Variants in XKR6 observed in about 807,000 individuals in gnomAD.
XKR6 encodes the protein XK related 6, also known as XK-related protein 6.
Under a neutral mutation model 56.7 loss-of-function variants are expected in XKR6, and 22 were observed. That is an observed-to-expected ratio of 0.39 (90% CI 0.28 to 0.55). The LOEUF (loss-of-function observed/expected upper bound fraction) is 0.55, where lower values mean the gene tolerates loss of function less well. XKR6 is among the 20% of genes least tolerant of loss of function. The pLI, the probability that XKR6 is intolerant of heterozygous loss-of-function variation, is 0.66. For missense variants in XKR6, 852 were observed against 889.0 expected (o/e 0.96, Z 0.53); for synonymous variants, 524 against 387.8 (o/e 1.35, Z -4.13).
intron 2 of XKR6, among the ~76,000 whole-genome samples, chr8:10,918,363 T>C (rs1485305972): frequency 6.6e-6 from 1 of 152,218 alleles, no homozygotes; most frequent in African/African-American, 2.4e-5. Flanking sequence ...GGCAGAGACT[T>C]TGGGGACAAG....
chr8:11,176,153 T>C (rs1585019932), intron 1 of XKR6, among the ~76,000 whole-genome samples: 1 of 152,156 alleles, frequency 6.6e-6, no homozygotes, highest in Non-Finnish European at 1.5e-5. Context: ...TTAAAACACC[T>C]TTACAAATTA....
intron 1 of XKR6, among the ~76,000 whole-genome samples, chr8:11,177,950 A>G (rs1436888061): frequency 6.6e-6 from 1 of 152,198 alleles, no homozygotes; most frequent in African/African-American, 2.4e-5. Context: ...CCTTTCTGAC[A>G]TGGAAAGCCT....
At chr8:11,133,821 G>A (rs1366264299) in intron 1 of XKR6, among the ~76,000 whole-genome samples, 2 of 152,110 alleles carry the variant, frequency 1.3e-5, no homozygotes, top group Admixed American at 6.6e-5. Flanking sequence ...TTAACTCTAT[G>A]CTTTCCATTA....
intron 1 of XKR6, among the ~76,000 whole-genome samples, chr8:10,966,139 G>T (rs991862317): frequency 6.6e-6 from 1 of 152,158 alleles, no homozygotes; most frequent in Non-Finnish European, 1.5e-5. Context: ...TCAAACCTCG[G>T]GTACATCCGG....
chr8:11,168,244 C>T (rs1802186900), intron 1 of XKR6, among the ~76,000 whole-genome samples: 1 of 152,162 alleles, frequency 6.6e-6, no homozygotes, highest in Admixed American at 6.5e-5. Context: ...GTACTTACTA[C>T]ACAAAGACTT....
intron 1 of XKR6, among the ~76,000 whole-genome samples, chr8:10,988,317 A>T (rs914702274): frequency 3.9e-5 from 6 of 152,184 alleles, no homozygotes; most frequent in East Asian, 3.9e-4. Context: ...TGTTCCATTA[A>T]TTTTCTTCAA....
chr8:11,190,987 C>G (rs193028748), intron 1 of XKR6, among the ~76,000 whole-genome samples: 9 of 152,296 alleles, frequency 5.9e-5, no homozygotes, highest in African/African-American at 1.7e-4. Context: ...GTCATACATT[C>G]TAACACACTA....
chr8:11,139,223 G>A (rs1479738476), intron 1 of XKR6, among the ~76,000 whole-genome samples: 2 of 152,154 alleles, frequency 1.3e-5, no homozygotes, highest in Admixed American at 1.3e-4. Context: ...TCACTTTTAT[G>A]TACAAAACTA....
rs558522143 is a variant in XKR6 at position 11,001,948 on chromosome 8, C to T, written c.765-77118G>A. 7.2e-4 allele frequency among the ~76,000 whole-genome samples: 110 copies of T among 152,222 alleles called. 2 individuals carry two copies. In the South Asian group the frequency reaches 0.023, roughly 32 times the overall value. Reference sequence around the variant, plus strand: ...ACCATACCCGTTGCTCCCCACAGCACTTCCTTCCAGCAGACCTCAGTTTTC... The same window carrying T: ...ACCATACCCGTTGCTCCCCACAGCATTTCCTTCCAGCAGACCTCAGTTTTC... On this transcript the variant is annotated intron_variant, in intron 1 of 2. Coordinates refer to ENST00000416569, the MANE Select transcript of XKR6 (RefSeq NM_173683.4).
intron 1 of XKR6, among the ~76,000 whole-genome samples, chr8:11,083,132 A>G (rs1020533538): frequency 6.6e-6 from 1 of 152,084 alleles, no homozygotes; most frequent in Non-Finnish European, 1.5e-5. Flanking sequence ...TCCCTCTCCG[A>G]GTCTCGGCAG....
intron 1 of XKR6, among the ~76,000 whole-genome samples, chr8:11,117,231 G>C (rs1016023148): frequency 1.3e-5 from 2 of 152,184 alleles, no homozygotes; most frequent in Admixed American, 1.3e-4. Context: ...ACTGCAACCT[G>C]AACACTGCAG....
chr8:11,010,508 C>T (rs1442822092), intron 1 of XKR6, among the ~76,000 whole-genome samples: 2 of 152,148 alleles, frequency 1.3e-5, no homozygotes, highest in Non-Finnish European at 2.9e-5. Context: ...CTGAGTAATG[C>T]AACACAGGCA....
At chr8:11,088,141 A>G (rs1372120751) in intron 1 of XKR6, among the ~76,000 whole-genome samples, 2 of 152,244 alleles carry the variant, frequency 1.3e-5, no homozygotes, top group African/African-American at 4.8e-5. Context: ...GGTCAGAAAG[A>G]TATTTCAGGC....
At chr8:11,143,172 G>A (rs1481368221) in intron 1 of XKR6, among the ~76,000 whole-genome samples, 1 of 151,960 alleles carries the variant, frequency 6.6e-6, no homozygotes, top group East Asian at 1.9e-4. Flanking sequence ...AGCATCAATA[G>A]CTAACATAAA....
At chr8:10,950,789 C>G (rs1801693893) in intron 1 of XKR6, among the ~76,000 whole-genome samples, 1 of 152,098 alleles carries the variant, frequency 6.6e-6, no homozygotes, top group African/African-American at 2.4e-5. Flanking sequence ...CCAAGGTCAT[C>G]CAGGAGTAAG....
intron 1 of XKR6, chr8:11,105,419 G>C (rs6601562): frequency 0.43 from 65,204 of 152,016 alleles, 15,005 homozygotes; most frequent in Middle Eastern, 0.55. Context: ...GGTCATTCAG[G>C]AACTGCGGGG....
intron 1 of XKR6, among the ~76,000 whole-genome samples, chr8:11,051,935 C>T (rs1186988453): frequency 6.6e-6 from 1 of 152,174 alleles, no homozygotes; most frequent in East Asian, 1.9e-4. Context: ...CAGAGGTGCG[C>T]GTGTGCCACG....
At chr8:11,145,976 G>A (rs80176859) in intron 1 of XKR6, among the ~76,000 whole-genome samples, 1,847 of 152,232 alleles carry the variant, frequency 0.012, 56 homozygotes, top group African/African-American at 0.043. Flanking sequence ...AGACAGTGTG[G>A]TGTGGGCATC....
At chr8:11,026,476 G>C (rs1798867000) in intron 1 of XKR6, among the ~76,000 whole-genome samples, 1 of 151,482 alleles carries the variant, frequency 6.6e-6, no homozygotes, top group African/African-American at 2.4e-5. Context: ...AGATGGTCTA[G>C]CCTACTACAC....
Sources: allele counts gnomAD v4.1 joint callset (sites outside exome capture counted in the v4.1 genomes callset), GRCh38; gene constraint gnomAD v4.1.1; transcripts MANE v1.5; gene names NCBI Gene and HGNC (gene_info 2026-07-23, HGNC 2026-07-21).